FSTL4: variants seen among roughly 807,000 people sequenced by gnomAD.
FSTL4 encodes the protein follistatin-related protein 4.
Under a neutral mutation model 78.2 loss-of-function variants are expected in FSTL4, and 28 were observed. That is an observed-to-expected ratio of 0.36 (90% CI 0.27 to 0.49). The LOEUF (loss-of-function observed/expected upper bound fraction) is 0.49. Ranked by LOEUF, FSTL4 falls within the 20% of genes least tolerant of loss-of-function variation. The probability of loss-of-function intolerance (pLI) is 0.98; values close to 1 mark genes in which losing one functional copy is unlikely to be tolerated. For synonymous variants in FSTL4, 422 were observed against 440.5 expected (o/e 0.96, Z 0.53); for missense variants, 922 against 1,084.9 (o/e 0.85, Z 2.11).
At chr5:133,830,313 G>A in the FSTL4 span, among the ~76,000 whole-genome samples, 3 of 152,204 alleles carry the variant, frequency 2.0e-5, no homozygotes, top group Non-Finnish European at 4.4e-5. Flanking sequence ...TGTGTCAGAA[G>A]AGCCAGCCAC....
the FSTL4 span, among the ~76,000 whole-genome samples, chr5:133,835,153 G>T: frequency 9.5e-3 from 1,443 of 152,274 alleles, 27 homozygotes; most frequent in African/African-American, 0.033. Context: ...ACTTTCCCAT[G>T]ATTCTATATC....
At chr5:133,537,226 T>A (rs1036161376) in intron 3 of FSTL4, among the ~76,000 whole-genome samples, 9 of 152,226 alleles carry the variant, frequency 5.9e-5, no homozygotes, top group Non-Finnish European at 1.3e-4. Flanking sequence ...CTGTTCATTT[T>A]GGGGGAGAAT....
chr5:133,400,636 A>G (rs1756198191), intron 4 of FSTL4, 102 bp downstream of exon 4: 4 of 1,066,704 alleles, frequency 3.7e-6, no homozygotes, highest in Non-Finnish European at 1.4e-6. Flanking sequence ...TATTTCCTAA[A>G]CATATGTAAC....
the FSTL4 span, among the ~76,000 whole-genome samples, chr5:133,832,163 G>GA: frequency 1.3e-5 from 2 of 152,342 alleles, no homozygotes; most frequent in East Asian, 3.9e-4. Context: ...TCAGCCTTGC[G>GA]ATTTCGCCTC....
rs192329934 is a variant in FSTL4 at position 133,256,884 on chromosome 5, C to T, written c.728-7308G>A. Among the ~76,000 whole-genome samples the T allele has an allele frequency of 2.0e-5, 3 of 152,298 alleles. No homozygotes were observed. In the East Asian group the frequency reaches 5.8e-4, roughly 29 times the overall value. ...AATAAAATTACTAGTTAATTACCTG[C>T]GGGTCAGTGGGTAATTTACTTTTTC... On this transcript the variant is annotated intron_variant, in intron 6 of 15. Transcript: ENST00000265342.
chr5:133,580,449 C>A (rs907141697), intron 2 of FSTL4, among the ~76,000 whole-genome samples: 12 of 152,206 alleles, frequency 7.9e-5, no homozygotes, highest in Non-Finnish European at 1.6e-4. Flanking sequence ...GCAGCCCCAG[C>A]CCCAGTCCTT....
chr5:133,249,371 A>G, intron 7 of FSTL4, 39 bp downstream of exon 7: 1 of 1,547,358 alleles, frequency 6.5e-7, no homozygotes, highest in Non-Finnish European at 8.9e-7. Context: ...TCTCCCAGGG[A>G]GGTGCGCTTG....
intron 3 of FSTL4, among the ~76,000 whole-genome samples, chr5:133,502,206 C>T (rs144327601): frequency 6.6e-6 from 1 of 152,296 alleles, no homozygotes; most frequent in Non-Finnish European, 1.5e-5. Flanking sequence ...CTAACACAGG[C>T]ACGGGTGATG....
At chr5:133,677,634 C>T in the FSTL4 span, among the ~76,000 whole-genome samples, 3 of 152,158 alleles carry the variant, frequency 2.0e-5, no homozygotes, top group East Asian at 1.9e-4. Flanking sequence ...AAAGAAAATA[C>T]GACATGAAGA....
At chr5:133,669,273 G>T in the FSTL4 span, among the ~76,000 whole-genome samples, 1 of 152,192 alleles carries the variant, frequency 6.6e-6, no homozygotes, top group Non-Finnish European at 1.5e-5. Flanking sequence ...AGGTGGGGCA[G>T]ATGAGGGCCC....
chr5:133,609,613 C>G (rs979510222), intron 1 of FSTL4, among the ~76,000 whole-genome samples: 1 of 152,210 alleles, frequency 6.6e-6, no homozygotes, highest in East Asian at 1.9e-4. Context: ...TTGCAGCAAG[C>G]CCTAATGAAG....
rs985864263 is a variant in FSTL4 at position 133,316,463 on chromosome 5, G to A, written c.599C>T (p.Ala200Val). 1 of 1,612,784 alleles carries A rather than the reference G, an allele frequency of 6.2e-7. No homozygotes were observed. The highest frequency in any genetic ancestry group is 8.5e-7 in the Non-Finnish European group (1 of 1,178,988). ...TTCACTGAACACGATGCCCACCTGA[G>A]CCAGTTCGGAGCTGCTGAGGTGGCC... ...GNGHLSSSELAQHVLKKQDLD... is the reference protein window; with the variant it reads ...GNGHLSSSELVQHVLKKQDLD... The change falls in exon 5 of 16, where the codon GCT (alanine) becomes GTT (valine). Residue 200 changes from alanine (A) to valine (V), a missense_variant. Transcript: ENST00000265342.
chr5:133,545,034 T>A (rs1759546864), intron 3 of FSTL4, among the ~76,000 whole-genome samples: 1 of 152,184 alleles, frequency 6.6e-6, no homozygotes, highest in Non-Finnish European at 1.5e-5. Flanking sequence ...AATAGGAGTA[T>A]CTTTATTATT....
At chr5:133,767,163 T>A in the FSTL4 span, among the ~76,000 whole-genome samples, 1 of 152,336 alleles carries the variant, frequency 6.6e-6, no homozygotes, top group South Asian at 2.1e-4. Context: ...TGGGGAACTC[T>A]GGGAGTCAAT....
intron 4 of FSTL4, among the ~76,000 whole-genome samples, chr5:133,317,624 A>G (rs1753940697): frequency 6.6e-6 from 1 of 152,244 alleles, no homozygotes; most frequent in South Asian, 2.1e-4. Context: ...TGGAGAGTCA[A>G]TAGAAAGAAG....
At chr5:133,221,846 T>G (rs1426878714) in intron 11 of FSTL4, among the ~76,000 whole-genome samples, 2 of 149,608 alleles carry the variant, frequency 1.3e-5, no homozygotes, top group Non-Finnish European at 3.0e-5. Context: ...AACATTAAGA[T>G]CTCTGTAAAT....
intron 4 of FSTL4, among the ~76,000 whole-genome samples, chr5:133,396,565 G>A (rs979840114): frequency 2.6e-5 from 4 of 152,204 alleles, no homozygotes; most frequent in African/African-American, 7.2e-5. Context: ...CTCCCGCTGA[G>A]AGCTGGACTG....
chr5:133,734,952 C>A, the FSTL4 span, among the ~76,000 whole-genome samples: 2 of 152,164 alleles, frequency 1.3e-5, no homozygotes, highest in Non-Finnish European at 2.9e-5. Flanking sequence ...GAATGAACAG[C>A]GGGCTGTGCA....
chr5:133,278,088 C>T (rs1752928363), intron 6 of FSTL4, among the ~76,000 whole-genome samples: 1 of 152,090 alleles, frequency 6.6e-6, no homozygotes, highest in Admixed American at 6.5e-5. Flanking sequence ...CATGGGTGCC[C>T]CCAGGATCAC....
Sources: gnomAD v4.1 joint callset for allele counts (sites outside exome capture counted in the v4.1 genomes callset) on GRCh38, gnomAD v4.1.1 for gene constraint, MANE v1.5 for transcripts, NCBI Gene and HGNC (gene_info 2026-07-23, HGNC 2026-07-21) for gene names.